The following MPP7 variants were observed in gnomAD, a reference collection of about 807,000 sequenced individuals.
MPP7 encodes the protein MAGUK p55 scaffold protein 7, also known as MAGUK p55 subfamily member 7.
Under a neutral mutation model 76.5 loss-of-function variants are expected in MPP7, and 60 were observed. The observed-to-expected ratio is 0.78, with a 90% CI of 0.64 to 0.97. MPP7 has a LOEUF of 0.97. Ranked by LOEUF, MPP7 falls within the 50% of genes least tolerant of loss-of-function variation. The probability of loss-of-function intolerance (pLI) is 0.00; values close to 1 mark genes in which losing one functional copy is unlikely to be tolerated. For synonymous variants in MPP7, 237 were observed against 244.5 expected, an observed-to-expected ratio of 0.97 and a Z score of 0.29; for missense variants, 641 against 694.0, an observed-to-expected ratio of 0.92 and a Z score of 0.86.
At position 28,089,856 on chromosome 10, in the gene MPP7, A is replaced by G; in HGVS notation, c.953-15T>C. ...TCTAAAACCAGCTGCAAATATTAAA[A>G]TAAATATATTTTTAGTAACATCAAC... On this transcript the variant is annotated splice_polypyrimidine_tract_variant and intron_variant, in intron 11 of 16. Coordinates refer to ENST00000683449, the MANE Select transcript of MPP7 (RefSeq NM_001318170.2). The G allele has an allele frequency of 7.5e-7, 1 of 1,338,480 alleles. No individual in the cohort carries two copies. Among genetic ancestry groups the G allele is most frequent in the Non-Finnish European group, 1.0e-6 (1 of 965,730 alleles). 82.9% of individuals were successfully genotyped at this position (1,338,480 alleles called of 1,614,324 possible).
intron 5 of MPP7, among the ~76,000 whole-genome samples, chr10:28,139,831 T>A (rs531850923): frequency 5.9e-5 from 9 of 152,328 alleles, no homozygotes; most frequent in South Asian, 2.1e-4. Context: ...ATAAATTTTT[T>A]AAAAATCCTT....
chr10:28,084,344 CCCTGTGTGCACAGCACCAGA>C (rs1852905312), intron 12 of MPP7, among the ~76,000 whole-genome samples: 1 of 152,210 alleles, frequency 6.6e-6, no homozygotes, highest in South Asian at 2.1e-4. Flanking sequence ...CAAGGCTTCT[CCCTGTGTGCACAGCACCAGA>C]CCTCACAGCA....
chr10:28,148,572 C>A (rs909253448), intron 4 of MPP7, among the ~76,000 whole-genome samples: 6 of 152,058 alleles, frequency 3.9e-5, no homozygotes, highest in African/African-American at 1.4e-4. Flanking sequence ...AAAATAAAAT[C>A]ATAGAAAATT....
At chr10:28,246,479 C>T (rs962214731) in intron 1 of MPP7, among the ~76,000 whole-genome samples, 12 of 152,058 alleles carry the variant, frequency 7.9e-5, no homozygotes, top group East Asian at 3.9e-4. Context: ...GAACGCTAGA[C>T]GGCAACATGA....
intron 2 of MPP7, among the ~76,000 whole-genome samples, chr10:28,206,568 A>T (rs1837955847): frequency 6.6e-6 from 1 of 152,132 alleles, no homozygotes; most frequent in African/African-American, 2.4e-5. Flanking sequence ...ATTAATTTAG[A>T]TATTAGGTTT....
intron 2 of MPP7, among the ~76,000 whole-genome samples, chr10:28,318,312 G>A (rs1228422023): frequency 6.6e-6 from 1 of 152,198 alleles, no homozygotes. Context: ...GTGGCTGACA[G>A]ATAATGAGGT....
At chr10:28,074,896 C>T (rs764184865) in intron 12 of MPP7, among the ~76,000 whole-genome samples, 6 of 152,178 alleles carry the variant, frequency 3.9e-5, no homozygotes, top group African/African-American at 1.4e-4. Flanking sequence ...TTTTATCACA[C>T]ATTAGTCTGT....
At chr10:28,088,061 T>A (rs1463218723) in intron 12 of MPP7, among the ~76,000 whole-genome samples, 3 of 152,200 alleles carry the variant, frequency 2.0e-5, no homozygotes, top group African/African-American at 7.2e-5. Flanking sequence ...TAATATGTAA[T>A]GATGCTAGTG....
intron 5 of MPP7, among the ~76,000 whole-genome samples, chr10:28,140,238 C>T (rs374832157): frequency 1.4e-4 from 21 of 152,342 alleles, no homozygotes; most frequent in African/African-American, 4.6e-4. Flanking sequence ...AGACCAGATG[C>T]GATGGCTACC....
intron 2 of MPP7, among the ~76,000 whole-genome samples, chr10:28,211,102 C>G (rs1588929608): frequency 6.9e-6 from 1 of 145,214 alleles, no homozygotes; most frequent in South Asian, 2.5e-4. Flanking sequence ...GTCTCACTGT[C>G]TTTTCTTTTT....
chr10:28,230,383 A>C (rs1838840767), intron 2 of MPP7, among the ~76,000 whole-genome samples: 1 of 152,178 alleles, frequency 6.6e-6, no homozygotes, highest in Non-Finnish European at 1.5e-5. Flanking sequence ...CCATCAATAC[A>C]TTAGGAACAC....
rs751186632 is a variant in MPP7, at chr10:28,059,748, G to A, written c.1205-5C>T. 6.2e-7 allele frequency: 1 copy of A among 1,602,018 alleles called. No homozygotes were observed. Among genetic ancestry groups the A allele is most frequent in the African/African-American group, 1.3e-5 (1 of 74,726 alleles). On this transcript the variant is annotated splice_polypyrimidine_tract_variant and splice_region_variant and intron_variant, in intron 13 of 16. Transcript: ENST00000683449. ...TTCTTCTTGCTCTGGTGGTATCTATGATTTAATGAAAAGGAGTTTAGAAAA... is the reference window on the plus strand; with the variant it reads ...TTCTTCTTGCTCTGGTGGTATCTATAATTTAATGAAAAGGAGTTTAGAAAA...
intron 1 of MPP7, among the ~76,000 whole-genome samples, chr10:28,300,048 T>C (rs1841119515): frequency 6.6e-6 from 1 of 152,224 alleles, no homozygotes; most frequent in African/African-American, 2.4e-5. Flanking sequence ...ATTACAGGCG[T>C]GAGCCACCAT....
intron 1 of MPP7, among the ~76,000 whole-genome samples, chr10:28,266,547 G>T (rs1278778047): frequency 6.6e-6 from 1 of 152,092 alleles, no homozygotes; most frequent in East Asian, 1.9e-4. Flanking sequence ...TCCAGCCTGG[G>T]TGACAGAGTG....
chr10:28,111,004 A>G (rs957390135), intron 11 of MPP7, among the ~76,000 whole-genome samples: 3 of 152,234 alleles, frequency 2.0e-5, no homozygotes, highest in Non-Finnish European at 4.4e-5. Context: ...TTGGATGTAC[A>G]ACAGAGTACA....
chr10:28,089,073 A>ATGTAGAGATGGGGCTTCAC (rs1179563490), intron 12 of MPP7, among the ~76,000 whole-genome samples: 3 of 151,814 alleles, frequency 2.0e-5, no homozygotes, highest in East Asian at 3.9e-4. Context: ...TGGGGCTTCA[A>ATGTAGAGATGGGGCTTCAC]TGTAGAGATG....
chr10:28,167,776 A>C (rs1277054784), intron 3 of MPP7, among the ~76,000 whole-genome samples: 1 of 152,228 alleles, frequency 6.6e-6, no homozygotes, highest in Non-Finnish European at 1.5e-5. Flanking sequence ...AATGTTTTCT[A>C]AAATGGTGTT....
At chr10:28,296,851 C>A (rs1841048070) in intron 1 of MPP7, among the ~76,000 whole-genome samples, 2 of 152,174 alleles carry the variant, frequency 1.3e-5, no homozygotes, top group Admixed American at 1.3e-4. Context: ...TCTTTCCACA[C>A]ATATGCACTT....
In MPP7 at chr10:28,212,114, T is replaced by TA. The variant is rs58753537; in HGVS notation, c.38-9844dup. On this transcript the variant is annotated intron_variant, in intron 2 of 16. Transcript: ENST00000683449. ...GGCAACAGAATGAGACCCTGTCTCG[T>TA]AAAAAAAAAAAAATAAATGAGTGAA... Among the ~76,000 whole-genome samples the TA allele has an allele frequency of 7.1e-3, 1,004 of 142,196 alleles. 6 individuals carry two copies. The highest frequency in any genetic ancestry group is 0.021 in the African/African-American group (822 of 38,828). 93.3% of individuals were successfully genotyped at this position (142,196 alleles called of 152,430 possible).
Sources: gnomAD v4.1 joint callset for allele counts (sites outside exome capture counted in the v4.1 genomes callset) on GRCh38, gnomAD v4.1.1 for gene constraint, MANE v1.5 for transcripts, NCBI Gene and HGNC (gene_info 2026-07-23, HGNC 2026-07-21) for gene names.